Variants in SMARCC1 observed in about 807,000 individuals in gnomAD.
SMARCC1 encodes SWI/SNF complex subunit SMARCC1.
A neutral mutation model predicts 147.4 loss-of-function variants in SMARCC1; 43 were observed. That is an observed-to-expected ratio of 0.29 (90% CI 0.23 to 0.38). The LOEUF is 0.38. Ranked by LOEUF, SMARCC1 falls within the 10% of genes least tolerant of loss-of-function variation. The probability of loss-of-function intolerance (pLI) is 1.00; values close to 1 mark genes in which losing one functional copy is unlikely to be tolerated. For synonymous variants in SMARCC1, 495 were observed against 484.4 expected (o/e 1.02, Z -0.29); for missense variants, 1,119 against 1,381.1 (o/e 0.81, Z 3.01).
chr3:47,715,791 C>T (rs565659678), intron 7 of SMARCC1, among the ~76,000 whole-genome samples: 1 of 152,290 alleles, frequency 6.6e-6, no homozygotes, highest in Admixed American at 6.5e-5. Context: ...ATTTGAGCCA[C>T]ACAGGCTTTG....
intron 25 of SMARCC1, among the ~76,000 whole-genome samples, chr3:47,616,998 G>A (rs1374326201): frequency 6.6e-6 from 1 of 152,186 alleles, no homozygotes; most frequent in Non-Finnish European, 1.5e-5. Context: ...GTGGAGAGTT[G>A]GGTGCCTCTA....
intron 7 of SMARCC1, among the ~76,000 whole-genome samples, chr3:47,719,311 C>T (rs1300087111): frequency 3.3e-5 from 5 of 152,168 alleles, no homozygotes; most frequent in African/African-American, 7.2e-5. Context: ...AAAGCCACAA[C>T]AGTACTAGGC....
chr3:47,627,354 G>C (rs1240958833), intron 24 of SMARCC1, among the ~76,000 whole-genome samples: 3 of 152,022 alleles, frequency 2.0e-5, no homozygotes, highest in African/African-American at 7.3e-5. Context: ...TAATAAACTT[G>C]TGGATATGGC....
At chr3:47,710,042 T>A (rs772305371) in intron 9 of SMARCC1, among the ~76,000 whole-genome samples, 6 of 151,852 alleles carry the variant, frequency 4.0e-5, no homozygotes, top group Non-Finnish European at 7.4e-5. Context: ...ACAGGTCGGG[T>A]GTGGTGGCTC....
At chr3:47,676,894 G>A (rs2033581595) in intron 16 of SMARCC1, 112 bp from the exon 17 acceptor site, 2 of 872,934 alleles carry the variant, frequency 2.3e-6, no homozygotes, top group Admixed American at 2.6e-5. Flanking sequence ...AATGTGCTCA[G>A]CAGGCTGTCA....
intron 3 of SMARCC1, among the ~76,000 whole-genome samples, chr3:47,740,213 A>ATTTTTG: frequency 1.4e-5 from 1 of 69,268 alleles, no homozygotes. Context: ...TTTTTTTTTA[A>ATTTTTG]AAGACAGACT....
At chr3:47,724,311 T>C (rs945575282) in intron 6 of SMARCC1, among the ~76,000 whole-genome samples, 1 of 152,174 alleles carries the variant, frequency 6.6e-6, no homozygotes, top group Non-Finnish European at 1.5e-5. Context: ...TATAATGGAA[T>C]ACAGGCACAT....
chr3:47,675,265 C>G (rs2033554746), intron 18 of SMARCC1, among the ~76,000 whole-genome samples: 2 of 152,178 alleles, frequency 1.3e-5, no homozygotes, highest in Admixed American at 1.3e-4. Flanking sequence ...TTCTAATTCT[C>G]TCTTCAAATT....
intron 9 of SMARCC1, 46 bp from the exon 10 acceptor site, chr3:47,706,576 C>G (rs1372421357): frequency 1.3e-6 from 2 of 1,483,894 alleles, no homozygotes; most frequent in Non-Finnish European, 1.8e-6. Flanking sequence ...CTTTGCTCCT[C>G]AGTTTCTACA....
chr3:47,724,264 C>T (rs769868250), intron 6 of SMARCC1, among the ~76,000 whole-genome samples: 13 of 152,088 alleles, frequency 8.5e-5, no homozygotes, highest in Admixed American at 2.0e-4. Flanking sequence ...ACCTAAATAT[C>T]CATCTAAGTA....
intron 27 of SMARCC1, among the ~76,000 whole-genome samples, chr3:47,590,054 A>G (rs2032150825): frequency 6.6e-6 from 1 of 152,214 alleles, no homozygotes. Context: ...GAAGCCGAGC[A>G]AGAGCCTATG....
chr3:47,620,457 C>T (rs1188021148), intron 25 of SMARCC1, among the ~76,000 whole-genome samples: 8 of 150,184 alleles, frequency 5.3e-5, no homozygotes, highest in Non-Finnish European at 4.4e-5. Context: ...AGTAAGACTC[C>T]GTTTTCAGGA....
intron 21 of SMARCC1, among the ~76,000 whole-genome samples, chr3:47,660,093 A>T (rs1417314854): frequency 6.6e-6 from 1 of 152,142 alleles, no homozygotes; most frequent in African/African-American, 2.4e-5. Flanking sequence ...GAAAATCCTT[A>T]GTTCACAAAA....
At chr3:47,781,556 G>A in intron 1 of SMARCC1, 47 bp downstream of exon 1, 1 of 1,390,878 alleles carries the variant, frequency 7.2e-7, no homozygotes, top group Non-Finnish European at 9.5e-7. Context: ...TGCCGCCTCC[G>A]GCCCCGGTCG....
intron 25 of SMARCC1, among the ~76,000 whole-genome samples, chr3:47,614,537 T>C (rs1012927890): frequency 6.6e-6 from 1 of 152,214 alleles, no homozygotes; most frequent in African/African-American, 2.4e-5. Context: ...TCTTCCTCAG[T>C]TTGTCATAAA....
Position 47,701,413 on chromosome 3 carries a change from C to G in SMARCC1, c.1041-11G>C. 1.2e-6 allele frequency: 2 copies of G among 1,612,536 alleles called. No homozygotes were observed. The highest frequency in any genetic ancestry group is 8.5e-7 in the Non-Finnish European group (1 of 1,178,862). On this transcript the variant is annotated splice_polypyrimidine_tract_variant and intron_variant, in intron 10 of 27. Coordinates refer to ENST00000254480, the MANE Select transcript of SMARCC1 (RefSeq NM_003074.4). ...TAAAGGCTAGCTTGGCTAAAACATA[C>G]AAGTATATGAAATATAAACAAGACT...
intron 6 of SMARCC1, among the ~76,000 whole-genome samples, chr3:47,722,436 T>C (rs1237189465): frequency 6.6e-6 from 1 of 151,812 alleles, no homozygotes; most frequent in African/African-American, 2.4e-5. Context: ...TAGCTGGGAT[T>C]ACAGGCATGC....
At position 47,622,713 on chromosome 3, in the gene SMARCC1, G is replaced by A. The variant is rs549612712; in HGVS notation, c.2647-372C>T. ...CCTTTCCTCCCTAAAACTTTTCTAGGGGTGGGCAGGCAGGCAGGCTGCTGA... is the reference window on the plus strand; with the variant it reads ...CCTTTCCTCCCTAAAACTTTTCTAGAGGTGGGCAGGCAGGCAGGCTGCTGA... On this transcript the variant is annotated intron_variant, in intron 24 of 27. Transcript: ENST00000254480. 6.6e-5 allele frequency among the ~76,000 whole-genome samples: 10 copies of A among 152,258 alleles called. No homozygotes were observed. In the South Asian group the frequency reaches 1.9e-3, roughly 28 times the overall value.
At chr3:47,757,946 C>T (rs1025953133) in intron 2 of SMARCC1, among the ~76,000 whole-genome samples, 1 of 151,750 alleles carries the variant, frequency 6.6e-6, no homozygotes, top group Non-Finnish European at 1.5e-5. Context: ...AGAACACAAC[C>T]AAAAGAAACA....
Sources: allele counts gnomAD v4.1 joint callset (sites outside exome capture counted in the v4.1 genomes callset), GRCh38; gene constraint gnomAD v4.1.1; transcripts MANE v1.5; gene names NCBI Gene and HGNC (gene_info 2026-07-23, HGNC 2026-07-21).